The following PRKCB variants were observed in gnomAD, a reference collection of about 807,000 sequenced individuals.
PRKCB encodes the protein protein kinase C beta type.
Under a neutral mutation model 81.5 loss-of-function variants are expected in PRKCB, and 13 were observed. The observed-to-expected ratio is 0.16, with a 90% CI of 0.10 to 0.25. PRKCB has a LOEUF of 0.25. Among genes scored for constraint, PRKCB ranks in the 10% least tolerant of loss-of-function variants. The pLI, the probability that PRKCB is intolerant of heterozygous loss-of-function variation, is 1.00. For missense variants in PRKCB, 509 were observed against 875.7 expected (o/e 0.58, Z 5.29); for synonymous variants, 335 against 321.4 (o/e 1.04, Z -0.45).
At chr16:24,097,040 T>A (rs1966454562) in intron 7 of PRKCB, among the ~76,000 whole-genome samples, 1 of 137,874 alleles carries the variant, frequency 7.3e-6, no homozygotes, top group African/African-American at 2.7e-5. Context: ...GCCTTTTTTT[T>A]TTTTTTTTTT....
intron 2 of PRKCB, among the ~76,000 whole-genome samples, chr16:23,909,618 C>T (rs908917699): frequency 3.3e-5 from 5 of 152,134 alleles, no homozygotes; most frequent in Non-Finnish European, 7.4e-5. Flanking sequence ...TCACCCTCTT[C>T]CCACCCTCCC....
intron 2 of PRKCB, among the ~76,000 whole-genome samples, chr16:23,844,271 A>G (rs966828744): frequency 1.3e-5 from 2 of 152,196 alleles, no homozygotes; most frequent in Admixed American, 6.5e-5. Context: ...GTGAAATTCC[A>G]TAGATAGAAT....
chr16:24,210,323 C>T (rs1968119866), intron 16 of PRKCB, among the ~76,000 whole-genome samples: 1 of 152,044 alleles, frequency 6.6e-6, no homozygotes. Flanking sequence ...TGCTTGGTGA[C>T]TGTGCCAGGT....
intron 9 of PRKCB, among the ~76,000 whole-genome samples, chr16:24,132,608 T>A (rs1966854935): frequency 6.6e-6 from 1 of 152,184 alleles, no homozygotes; most frequent in African/African-American, 2.4e-5. Context: ...GTGCTTAGTA[T>A]GTATTCATTA....
chr16:23,837,611 C>T (rs1034040502), intron 2 of PRKCB, among the ~76,000 whole-genome samples: 2 of 152,086 alleles, frequency 1.3e-5, no homozygotes, highest in Non-Finnish European at 2.9e-5. Context: ...TCTTACATGC[C>T]AAGGAAGTTC....
intron 8 of PRKCB, among the ~76,000 whole-genome samples, chr16:24,116,683 G>A (rs922056888): frequency 2.6e-5 from 4 of 152,204 alleles, no homozygotes; most frequent in African/African-American, 7.2e-5. Flanking sequence ...ACTGGATACT[G>A]TTTGATAAAA....
At chr16:23,904,789 T>G (rs369567481) in intron 2 of PRKCB, among the ~76,000 whole-genome samples, 6 of 152,286 alleles carry the variant, frequency 3.9e-5, no homozygotes, top group African/African-American at 1.2e-4. Context: ...GATTTAAAAG[T>G]TGGGGGATTT....
At position 24,215,056 on chromosome 16, in the gene PRKCB, T is replaced by C. The variant is rs1455168406; in HGVS notation, c.*240T>C. ...TAATTAACACATTATCAAAGTCCTCTTACAATTTATTTTCCGCAGCATGTC... is the reference window on the plus strand; with the variant it reads ...TAATTAACACATTATCAAAGTCCTCCTACAATTTATTTTCCGCAGCATGTC... On this transcript the variant is annotated 3_prime_UTR_variant, in exon 17 of 17. Transcript: ENST00000643927. The C allele has an allele frequency of 7.1e-6, 9 of 1,262,910 alleles. No homozygotes were observed. The highest frequency in any genetic ancestry group is 9.0e-6 in the Non-Finnish European group (9 of 998,638). 78.2% of individuals were successfully genotyped at this position (1,262,910 alleles called of 1,614,324 possible).
At chr16:24,084,955 A>C (rs1966293786) in intron 5 of PRKCB, among the ~76,000 whole-genome samples, 1 of 152,130 alleles carries the variant, frequency 6.6e-6, no homozygotes, top group Admixed American at 6.5e-5. Flanking sequence ...GTCTAGAGCA[A>C]ATTTCACTCA....
chr16:23,922,900 T>C (rs947534102), intron 2 of PRKCB, among the ~76,000 whole-genome samples: 5 of 150,662 alleles, frequency 3.3e-5, no homozygotes, highest in Admixed American at 1.3e-4. Flanking sequence ...TTAATTTAGG[T>C]AGCCAGTGTT....
chr16:24,017,994 G>T (rs1159295389), intron 3 of PRKCB, among the ~76,000 whole-genome samples: 4 of 150,920 alleles, frequency 2.7e-5, no homozygotes, highest in Non-Finnish European at 5.9e-5. Context: ...CACCTCCTGG[G>T]TTCATGCCAT....
chr16:23,848,911 C>T (rs1271311306), intron 2 of PRKCB, among the ~76,000 whole-genome samples: 1 of 152,160 alleles, frequency 6.6e-6, no homozygotes, highest in Non-Finnish European at 1.5e-5. Flanking sequence ...CTTGTCCTTA[C>T]TGAGTTTATA....
At chr16:24,066,794 T>C (rs189921062) in intron 5 of PRKCB, among the ~76,000 whole-genome samples, 55 of 152,350 alleles carry the variant, frequency 3.6e-4, no homozygotes, top group African/African-American at 1.3e-3. Context: ...AAGTATCTGG[T>C]AGAATGTCCA....
At chr16:23,882,025 C>CTTTCTTTCTTTCTCTTTCTTT (rs1597226197) in intron 2 of PRKCB, among the ~76,000 whole-genome samples, 39 of 18,324 alleles carry the variant, frequency 2.1e-3, no homozygotes, top group East Asian at 0.01. Flanking sequence ...TTTCTTTCTT[C>CTTTCTTTCTTTCTCTTTCTTT]CTTCCTTCCT....
chr16:24,210,952 G>T (rs1440006064), intron 16 of PRKCB, among the ~76,000 whole-genome samples: 2 of 152,192 alleles, frequency 1.3e-5, no homozygotes, highest in Admixed American at 1.3e-4. Flanking sequence ...CTAGCACAGA[G>T]CCTGGCATGT....
chr16:23,975,854 C>T (rs1458038609), intron 2 of PRKCB, among the ~76,000 whole-genome samples: 1 of 151,038 alleles, frequency 6.6e-6, no homozygotes, highest in Non-Finnish European at 1.5e-5. Context: ...CTCCTTTGGT[C>T]ACAAGAGACA....
At chr16:24,188,202 A>T (rs1453484034) in intron 15 of PRKCB, among the ~76,000 whole-genome samples, 1 of 152,126 alleles carries the variant, frequency 6.6e-6, no homozygotes, top group Non-Finnish European at 1.5e-5. Flanking sequence ...CTCTCTTACT[A>T]TTGAGTTTGG....
At chr16:23,918,144 G>C (rs1193304190) in intron 2 of PRKCB, among the ~76,000 whole-genome samples, 1 of 152,092 alleles carries the variant, frequency 6.6e-6, no homozygotes, top group Admixed American at 6.6e-5. Flanking sequence ...ACTTGGGGAT[G>C]GGGGATGTTT....
At chr16:24,077,584 T>C (rs7195804) in intron 5 of PRKCB, among the ~76,000 whole-genome samples, 27,526 of 152,080 alleles carry the variant, frequency 0.18, 4,476 homozygotes, top group African/African-American at 0.44. Flanking sequence ...CTCAGCCAAC[T>C]CATCCATCCA....
Sources: allele counts gnomAD v4.1 joint callset (sites outside exome capture counted in the v4.1 genomes callset), GRCh38; gene constraint gnomAD v4.1.1; transcripts MANE v1.5; gene names NCBI Gene and HGNC (gene_info 2026-07-23, HGNC 2026-07-21).